MICAL1: variants seen among roughly 807,000 people sequenced by gnomAD.
The protein encoded by MICAL1 is microtubule associated monooxygenase, calponin and LIM domain containing 1.
In MICAL1, 95 loss-of-function variants were observed where a neutral mutation model predicts 131.8. That is an observed-to-expected ratio of 0.72 (90% confidence interval 0.61 to 0.86). The LOEUF (loss-of-function observed/expected upper bound fraction) is 0.86. Ranked by LOEUF, MICAL1 falls within the 40% of genes least tolerant of loss-of-function variation. MICAL1 has a pLI of 0.00. For missense variants in MICAL1, 1,292 were observed against 1,380.6 expected (o/e 0.94, Z 1.02); for synonymous variants, 546 against 554.2 (o/e 0.99, Z 0.21).
At chr6:109,452,981 A>T (rs771993220) in intron 4 of MICAL1, among the ~76,000 whole-genome samples, 1 of 151,926 alleles carries the variant, frequency 6.6e-6, no homozygotes, top group Non-Finnish European at 1.5e-5. Flanking sequence ...ACACAGTGAA[A>T]CCCCGTCTCT....
intron 7 of MICAL1, among the ~76,000 whole-genome samples, chr6:109,450,878 G>C (rs967911027): frequency 2.6e-5 from 4 of 152,100 alleles, no homozygotes; most frequent in African/African-American, 9.7e-5. Context: ...ATTTATCAGG[G>C]TACTCATGAG....
chr6:109,449,560 AG>A, intron 10 of MICAL1, 79 bp from the exon 11 acceptor site: 1 of 1,602,902 alleles, frequency 6.2e-7, no homozygotes, highest in African/African-American at 1.3e-5. Context: ...TGCCGGGGGT[AG>A]GATTGACCCC....
intron 1 of MICAL1, chr6:109,464,919 C>T (rs1197196879): frequency 1.3e-5 from 2 of 152,104 alleles, no homozygotes; most frequent in Non-Finnish European, 2.9e-5. Flanking sequence ...ACACGTAGAT[C>T]AACATTTTCA....
In MICAL1 at chr6:109,452,496, G is replaced by C; in HGVS notation, c.676+15C>G. 6.2e-7 allele frequency: 1 copy of C among 1,613,502 alleles called. No homozygotes were observed. The highest frequency in any genetic ancestry group is 1.1e-5 in the South Asian group (1 of 91,020). On this transcript the variant is annotated intron_variant, in intron 5 of 24. Transcript: ENST00000358807. ...GCCAGAGATGCTGGCTTCTTTGAGG[G>C]AAGTGATCACTCACCTTCAGGGACG...
At chr6:109,445,645 G>T in intron 20 of MICAL1, 116 bp from the exon 21 acceptor site, 1 of 1,502,418 alleles carries the variant, frequency 6.7e-7, no homozygotes. Flanking sequence ...TGGTAGAAAA[G>T]GTAGAGGCCA....
At chr6:109,460,394 A>G (rs1775854496), upstream of MICAL1, among the ~76,000 whole-genome samples, 1 of 149,714 alleles carries the variant, frequency 6.7e-6, no homozygotes, top group African/African-American at 2.5e-5. Context: ...ATGCCACTGC[A>G]CTTCAGCCTG....
Position 109,455,572 on chromosome 6 carries a change from G to T in MICAL1, c.-44+147C>A. On this transcript the variant is annotated intron_variant, in intron 1 of 24. Transcript: ENST00000358807. This position sits in a 1 kb window ranked among gnomAD's most constrained non-coding sequence, Gnocchi z 4.7. ...ACACTGGACGGCAAAGTCCGGACGCGGCGTGAGCAGGGCTGGGCTGAGGGA... is the reference window on the plus strand; with the variant it reads ...ACACTGGACGGCAAAGTCCGGACGCTGCGTGAGCAGGGCTGGGCTGAGGGA... 1 of 470,196 alleles carries T rather than the reference G, an allele frequency of 2.1e-6. No homozygotes were observed. The highest frequency in any genetic ancestry group is 2.8e-6 in the Non-Finnish European group (1 of 358,176). The allele number at this position is 470,196 out of a possible 1,614,324, so 29.1% of individuals were successfully genotyped here. A position where few individuals can be genotyped will look rare whatever the true frequency, so the allele number is the denominator to read the frequency against.
chr6:109,450,199 T>G, intron 8 of MICAL1, 101 bp downstream of exon 8: 5 of 1,563,638 alleles, frequency 3.2e-6, no homozygotes, highest in South Asian at 1.2e-5. Context: ...CAGGCAGCCC[T>G]TAGCTCCTCC....
chr6:109,445,619 G>C (rs932493650), intron 20 of MICAL1, 90 bp from the exon 21 acceptor site: 1 of 1,541,344 alleles, frequency 6.5e-7, no homozygotes, highest in African/African-American at 1.4e-5. Context: ...AACCCGTGCT[G>C]AAGTGGGGTA....
chr6:109,454,197 G>A lies in MICAL1; in HGVS notation c.-1C>T, dbSNP rs2115340172. Reference sequence around the variant, plus strand: ...GGTTGGTGGAGGTAGGTGAAGCCATGGAGGCCTCCTGGGGAGGGCAGCAGC... The same window carrying A: ...GGTTGGTGGAGGTAGGTGAAGCCATAGAGGCCTCCTGGGGAGGGCAGCAGC... On this transcript the variant is annotated 5_prime_UTR_variant, in exon 2 of 25. Coordinates refer to ENST00000358807, the MANE Select transcript of MICAL1 (RefSeq NM_022765.4). 1 of 1,594,518 alleles carries A rather than the reference G, an allele frequency of 6.3e-7. No homozygotes were observed. Among genetic ancestry groups the A allele is most frequent in the East Asian group, 2.3e-5 (1 of 43,738 alleles).
intron 12 of MICAL1, 61 bp downstream of exon 12, chr6:109,448,671 C>A: frequency 6.3e-7 from 1 of 1,596,666 alleles, no homozygotes. Context: ...TAGGATTCAA[C>A]TGGATATGCT....
At position 109,453,798 on chromosome 6, in the gene MICAL1, C is replaced by A. The variant is rs1256857911; in HGVS notation, c.306G>T (p.Glu102Asp). ...AGPCGLRVAVELALLGARVVL... is the reference protein window; with the variant it reads ...AGPCGLRVAVDLALLGARVVL... ...CCACTCGGGCCCCCAGCAGCGCCAG[C>A]TCCACAGCGACCCGCAGCCCGCAAG... The change falls in exon 3 of 25, where the codon GAG becomes GAT. Residue 102 changes from glutamate (E) to aspartate (D), a missense_variant. Physicochemically the swap from Glu to Asp is conservative, Grantham distance 45. Transcript: ENST00000358807. 6 of 1,613,778 alleles carry A rather than the reference C, an allele frequency of 3.7e-6. No homozygotes were observed. The highest frequency in any genetic ancestry group is 3.4e-6 in the Non-Finnish European group (4 of 1,180,034).
chr6:109,461,116 CTA>C (rs1207982091), intron 1 of MICAL1, among the ~76,000 whole-genome samples: 1 of 150,510 alleles, frequency 6.6e-6, no homozygotes, highest in Non-Finnish European at 1.5e-5. Context: ...GCCCCCCACC[CTA>C]TGACAGGCCC....
At chr6:109,452,057 G>C (rs888922485) in intron 6 of MICAL1, 189 bp downstream of exon 6, 6 of 1,412,558 alleles carry the variant, frequency 4.2e-6, no homozygotes, top group South Asian at 1.6e-5. Context: ...GACTTTTCAT[G>C]CTGGGTGATC....
chr6:109,446,700 C>CCT lies in MICAL1; in HGVS notation c.2299_2300insAG (p.Ser767LysfsTer138), dbSNP rs746420629. On this transcript the variant is annotated frameshift_variant, in exon 18 of 25. Transcript: ENST00000358807. LOFTEE classifies it high-confidence loss of function. ...ATACACGCCTTCAGTCTTTACCGGA[C>CCT]TCTCAGGGCCTCTATCGCTGCCTTC... The CCT allele has an allele frequency of 1.2e-5, 20 of 1,613,500 alleles. No homozygotes were observed. The Admixed American group carries it at 3.3e-4, about 27-fold the overall frequency.
rs576734910 is a variant in MICAL1, at chr6:109,452,416, A to G, written c.677-15T>C. 21 of 1,613,150 alleles carry G rather than the reference A, an allele frequency of 1.3e-5. No individual in the cohort carries two copies. In the African/African-American group the frequency reaches 2.4e-4, roughly 18 times the overall value. Reference sequence around the variant, plus strand: ...AACTTTGAAGCCTAGAGGTGGCGGTAGGTGAACAATGGCAGGAGGAGGGGG... The same window carrying G: ...AACTTTGAAGCCTAGAGGTGGCGGTGGGTGAACAATGGCAGGAGGAGGGGG... On this transcript the variant is annotated splice_polypyrimidine_tract_variant and intron_variant, in intron 5 of 24. Coordinates refer to ENST00000358807, the MANE Select transcript of MICAL1 (RefSeq NM_022765.4).
intron 20 of MICAL1, 34 bp from the exon 21 acceptor site, chr6:109,445,563 C>T: frequency 6.2e-7 from 1 of 1,609,204 alleles, no homozygotes; most frequent in Non-Finnish European, 8.5e-7. Flanking sequence ...GGGATAGGGC[C>T]TGGGCCCCCT....
Position 109,445,081 on chromosome 6 carries a change from C to T in MICAL1, c.2882-86G>A, listed in dbSNP as rs187971261. ...ACAGGCTTAGGGGAGACAGGAGAGC[C>T]GGGTGTCACAGGTATGTGTTAGCTG... is the stretch of plus-strand genomic sequence containing the variant. On this transcript the variant is annotated intron_variant, in intron 22 of 24. Coordinates refer to ENST00000358807, the MANE Select transcript of MICAL1 (RefSeq NM_022765.4). 225 of 1,572,256 alleles carry T rather than the reference C, an allele frequency of 1.4e-4. 2 individuals are homozygous for T. In the African/African-American group the frequency reaches 2.3e-3, roughly 16 times the overall value.
At chr6:109,464,124 G>C (rs1775976107) in intron 1 of MICAL1, 1 of 152,146 alleles carries the variant, frequency 6.6e-6, no homozygotes, top group Non-Finnish European at 1.5e-5. Flanking sequence ...ACGAGAACCT[G>C]AAATAATACT....
Sources: gnomAD v4.1 joint callset for allele counts (sites outside exome capture counted in the v4.1 genomes callset) on GRCh38, gnomAD v4.1.1 for gene constraint, Gnocchi (gnomAD v3.1) non-coding constraint, MANE v1.5 for transcripts, NCBI Gene and HGNC (gene_info 2026-07-23, HGNC 2026-07-21) for gene names.